The following MIA3 variants were observed in gnomAD, a reference collection of about 807,000 sequenced individuals.
The protein encoded by MIA3 is transport and Golgi organization protein 1 homolog.
In MIA3, 90 loss-of-function variants were observed where a neutral mutation model predicts 192.4. The observed-to-expected ratio is 0.47, with a 90% CI of 0.39 to 0.56. The LOEUF is 0.56. MIA3 is among the 20% of genes least tolerant of loss of function. The pLI is 0.00. For synonymous variants in MIA3, 740 were observed against 792.8 expected, an observed-to-expected ratio of 0.93 and a Z score of 1.12; for missense variants, 2,123 against 2,269.4, an observed-to-expected ratio of 0.94 and a Z score of 1.31.
Position 222,667,970 on chromosome 1 carries a change from G to T in MIA3, c.*2351G>T, listed in dbSNP as rs930157478. The T allele has an allele frequency of 6.6e-6, 1 of 152,060 alleles. No individual in the cohort carries two copies. 9.4% of individuals were successfully genotyped at this position (152,060 alleles called of 1,614,324 possible). A position where few individuals can be genotyped will look rare whatever the true frequency, so the allele number is the denominator to read the frequency against. ...CTTCAAGATAATCACTCATTTTCTCGTTATATTCAGGTCTGAATTAAAGTT... is the reference window on the plus strand; with the variant it reads ...CTTCAAGATAATCACTCATTTTCTCTTTATATTCAGGTCTGAATTAAAGTT... On this transcript the variant is annotated 3_prime_UTR_variant, in exon 28 of 28. Transcript: ENST00000344922.
intron 4 of MIA3, among the ~76,000 whole-genome samples, chr1:222,631,616 C>T (rs1198432027): frequency 6.6e-6 from 1 of 152,200 alleles, no homozygotes; most frequent in African/African-American, 2.4e-5. Flanking sequence ...TATGAGGCTA[C>T]AAGGAAATTC....
rs756068441 is a variant in MIA3 at position 222,629,392 on chromosome 1, T to G, written c.2172T>G (p.Asp724Glu). ...PAFLSKVEED[D>E]YPSEELLEDE... is the part of the protein sequence containing the mutation. ...TCCTTTCTAAAGTAGAAGAGGATGA[T>G]TATCCCTCTGAAGAACTACTAGAGG... The change falls in exon 4 of 28, where the codon GAT becomes GAG. Residue 724 changes from aspartate to glutamate, a missense_variant. Coordinates refer to ENST00000344922, the MANE Select transcript of MIA3 (RefSeq NM_198551.4). 2 of 1,614,040 alleles carry G rather than the reference T, an allele frequency of 1.2e-6. No homozygotes were observed. The highest frequency in any genetic ancestry group is 1.7e-5 in the Admixed American group (1 of 60,010).
In MIA3 at chr1:222,628,245, C is replaced by T; in HGVS notation, c.1025C>T (p.Pro342Leu). 1 of 1,614,078 alleles carries T rather than the reference C, an allele frequency of 6.2e-7. No individual in the cohort carries two copies. Among genetic ancestry groups the T allele is most frequent in the Non-Finnish European group, 8.5e-7 (1 of 1,180,028 alleles). ...ACAGATGGGGAAGATATGAAAACTC[C>T]AGCAAAGTCTGGCGTTGAGAAATAT... ...TFTDGEDMKT[P>L]AKSGVEKYPT... Residue 342 changes from proline to leucine, a missense_variant, in exon 4 of 28, where the codon CCA (proline) becomes CTA (leucine). Transcript: ENST00000344922.
intron 8 of MIA3, 145 bp downstream of exon 8, chr1:222,648,995 G>T (rs1208950277): frequency 7.1e-6 from 4 of 560,294 alleles, no homozygotes; most frequent in Non-Finnish European, 1.3e-5. Flanking sequence ...AGGTTGCCAG[G>T]TTGTATGATA....
Position 222,664,007 on chromosome 1 carries a change from G to A in MIA3, c.5272G>A (p.Ala1758Thr), listed in dbSNP as rs1407785146. The change falls in exon 27 of 28, where the codon GCT (alanine) becomes ACT (threonine). Residue 1758 changes from alanine to threonine, a missense_variant. Ala to Thr is a moderately conservative substitution (Grantham distance 58). This residue lies in a region of MIA3 where 762 missense variants were observed against 856.4 expected (regional missense o/e 0.89). Coordinates refer to ENST00000344922, the MANE Select transcript of MIA3 (RefSeq NM_198551.4). ...TGTTTCTACTCTGCAGGTTAATATG[G>A]CTCCAAAAGGGCCCCCTCCTTTCCC... ...RVLDEGKVNM[A>T]PKGPPPFPGV... The A allele has an allele frequency of 1.2e-6, 2 of 1,613,044 alleles. No individual in the cohort carries two copies. The highest frequency in any genetic ancestry group is 1.7e-6 in the Non-Finnish European group (2 of 1,179,534).
At chr1:222,657,475 CTG>C (rs1663792967) in intron 18 of MIA3, among the ~76,000 whole-genome samples, 1 of 152,186 alleles carries the variant, frequency 6.6e-6, no homozygotes, top group East Asian at 1.9e-4. Context: ...ACTTATAATT[CTG>C]TGTTTTTTCC....
chr1:222,623,403 T>C (rs1194539494), intron 2 of MIA3, among the ~76,000 whole-genome samples: 1 of 152,188 alleles, frequency 6.6e-6, no homozygotes, highest in Non-Finnish European at 1.5e-5. Flanking sequence ...CTGATTTGTT[T>C]CCTTTTTCCA....
In MIA3 at chr1:222,621,287, G is replaced by A. The variant is rs1201843417; in HGVS notation, c.262G>A (p.Gly88Arg). The change falls in exon 2 of 28, where the codon GGA (glycine) becomes AGA (arginine). Residue 88 changes from glycine (G) to arginine (R), a missense_variant. Gly to Arg is a moderately radical substitution (Grantham distance 125). Transcript: ENST00000344922. Reference protein sequence around the residue: ...LARGWPEVWAGSVGRTFGYFP... With the variant: ...LARGWPEVWARSVGRTFGYFP... ...AAGAGGATGGCCTGAAGTTTGGGCTGGAAGTGTAAGTAAAATATCGACATA... is the reference window on the plus strand; with the variant it reads ...AAGAGGATGGCCTGAAGTTTGGGCTAGAAGTGTAAGTAAAATATCGACATA... The A allele has an allele frequency of 6.2e-7, 1 of 1,605,480 alleles. No individual in the cohort carries two copies. Among genetic ancestry groups the A allele is most frequent in the Admixed American group, 1.7e-5 (1 of 57,356 alleles).
chr1:222,661,601 G>C (rs1194456168), intron 24 of MIA3: 1 of 158,864 alleles, frequency 6.3e-6, no homozygotes. Flanking sequence ...CCTAACCCCT[G>C]CATTGTTCGA....
chr1:222,632,430 G>A (rs1378983609), intron 5 of MIA3, 104 bp downstream of exon 5: 16 of 1,007,920 alleles, frequency 1.6e-5, no homozygotes, highest in Admixed American at 8.2e-5. Flanking sequence ...TAAATTCAAA[G>A]GAAAAAAGGA....
chr1:222,650,877 G>A lies in MIA3; in HGVS notation c.3883G>A (p.Glu1295Lys). ...TCGTGTTATGCTAGAATCTGAGAGA[G>A]AACAGAATGTCAAGAATCAGGACTT... ...NLRVMLESER[E>K]QNVKNQDLIS... Residue 1295 changes from glutamate to lysine, a missense_variant, in exon 11 of 28, where the codon GAA (glutamate) becomes AAA (lysine). Physicochemically the swap from Glu to Lys is moderately conservative, Grantham distance 56. Around this residue, in one of 3 missense-constraint regions of MIA3, gnomAD observed 762 missense variants for 856.4 expected, o/e 0.89. Coordinates refer to ENST00000344922, the MANE Select transcript of MIA3 (RefSeq NM_198551.4). 3 of 1,603,724 alleles carry A rather than the reference G, an allele frequency of 1.9e-6. No individual in the cohort carries two copies. In the East Asian group the frequency reaches 6.7e-5, roughly 36 times the overall value.
rs749604377 is a variant in MIA3 at position 222,660,226 on chromosome 1, A to T, written c.5025A>T (p.Gly1675=). 2 of 1,613,948 alleles carry T rather than the reference A, an allele frequency of 1.2e-6. No homozygotes were observed. The highest frequency in any genetic ancestry group is 1.7e-5 in the Admixed American group (1 of 60,014). Residue 1675 remains glycine (G), a synonymous_variant, in exon 24 of 28, where the codon GGA becomes GGT. Coordinates refer to ENST00000344922, the MANE Select transcript of MIA3 (RefSeq NM_198551.4). Reference sequence around the variant, plus strand: ...TTGGCCCATCCCCTGTGAGTGGTGGAGAATGCTCCCCTCCATTGACAGTGG... The same window carrying T: ...TTGGCCCATCCCCTGTGAGTGGTGGTGAATGCTCCCCTCCATTGACAGTGG... ...GSFGPSPVSG[G]ECSPPLTVEP...
At position 222,622,008 on chromosome 1, in the gene MIA3, C is replaced by A. The variant is rs540993900; in HGVS notation, c.267+716C>A. On this transcript the variant is annotated intron_variant, in intron 2 of 27. Transcript: ENST00000344922. ...TTTTTTTAGTAGAGACGGGGTTTCA[C>A]TGTGTTAGCTAGGTCTCGATCTCCT... Among the ~76,000 whole-genome samples, 7 of 152,244 alleles carry A rather than the reference C, an allele frequency of 4.6e-5. No individual in the cohort carries two copies. In the South Asian group the frequency reaches 1.0e-3, roughly 23 times the overall value.
intron 7 of MIA3, among the ~76,000 whole-genome samples, chr1:222,646,798 CTT>C (rs1306872974): frequency 6.6e-6 from 1 of 152,180 alleles, no homozygotes; most frequent in African/African-American, 2.4e-5. Flanking sequence ...AGAGTGAAAA[CTT>C]TGACACAACC....
chr1:222,650,640 G>T lies in MIA3; in HGVS notation c.3727G>T (p.Glu1243Ter), dbSNP rs1558190130. 1 of 1,575,340 alleles carries T rather than the reference G, an allele frequency of 6.3e-7. No homozygotes were observed. The highest frequency in any genetic ancestry group is 8.7e-7 in the Non-Finnish European group (1 of 1,152,528). The change falls in exon 10 of 28, where the codon GAA becomes TAA. Residue 1243 changes from glutamate to a stop codon, truncating the protein, a stop_gained. Transcript: ENST00000344922. LOFTEE classifies it high-confidence loss of function. Reference protein sequence around the residue: ...KLSNYEQKIKESKKHVQETRK... With the variant: ...KLSNYEQKIK ...AATGCTTTATTTTATATAGATCAAG[G>T]AATCAAAGAAACATGTTCAGGAAAC...
intron 6 of MIA3, among the ~76,000 whole-genome samples, chr1:222,642,015 T>C (rs1177418903): frequency 6.6e-6 from 1 of 152,230 alleles, no homozygotes; most frequent in African/African-American, 2.4e-5. Context: ...GAATTTCAAA[T>C]TATGCTGAAT....
At position 222,654,716 on chromosome 1, in the gene MIA3, AGATGAATGCAAAACC is replaced by A; in HGVS notation, c.4531_4545del (p.Asp1511_Thr1515del). 1.2e-6 allele frequency: 2 copies of A among 1,614,186 alleles called. No individual in the cohort carries two copies. Among genetic ancestry groups the A allele is most frequent in the Admixed American group, 3.3e-5 (2 of 60,036 alleles). The stretch of plus-strand genomic sequence containing the variant: ...TACAAGCTGCCAAAGCTGGACTGGA[AGATGAATGCAAAACC>A]TTGAGGCAGAAAGTGGAGATTCTGA... On this transcript the variant is annotated inframe_deletion, in exon 18 of 28. Coordinates refer to ENST00000344922, the MANE Select transcript of MIA3 (RefSeq NM_198551.4).
At position 222,628,271 on chromosome 1, in the gene MIA3, C is replaced by G; in HGVS notation, c.1051C>G (p.Pro351Ala). ...AGCAAAGTCTGGCGTTGAGAAATAT[C>G]CAACAGATAAAGAGCAGAATTCAAA... ...TPAKSGVEKY[P>A]TDKEQNSNEE... Residue 351 changes from proline to alanine, a missense_variant, in exon 4 of 28, where the codon CCA becomes GCA. Transcript: ENST00000344922. The G allele has an allele frequency of 2.5e-6, 4 of 1,613,990 alleles. No individual in the cohort carries two copies. The highest frequency in any genetic ancestry group is 3.4e-6 in the Non-Finnish European group (4 of 1,179,994).
intron 18 of MIA3, 54 bp from the exon 19 acceptor site, chr1:222,658,668 A>C: frequency 7.8e-7 from 1 of 1,277,638 alleles, no homozygotes; most frequent in East Asian, 2.4e-5. Context: ...GTATTCAGAC[A>C]GAATGCCAGG....
Sources: gnomAD v4.1 joint callset for allele counts (sites outside exome capture counted in the v4.1 genomes callset) on GRCh38, gnomAD v4.1.1 for gene constraint, gnomAD v4.1.1 regional missense constraint, MANE v1.5 for transcripts, NCBI Gene and HGNC (gene_info 2026-07-23, HGNC 2026-07-21) for gene names.